The following ZNF420 variants were observed in gnomAD, a reference collection of about 807,000 sequenced individuals.
The protein encoded by ZNF420 is ATM and p53-associated KZNF protein.
Under a neutral mutation model 44.7 loss-of-function variants are expected in ZNF420, and 31 were observed. The observed-to-expected ratio is 0.69, with a 90% CI of 0.52 to 0.94. The LOEUF is 0.94. Among genes scored for constraint, ZNF420 ranks in the 40% least tolerant of loss-of-function variants. ZNF420 has a pLI of 0.00. For missense variants in ZNF420, 681 were observed against 827.9 expected, an observed-to-expected ratio of 0.82 and a Z score of 2.18; for synonymous variants, 245 against 267.4, an observed-to-expected ratio of 0.92 and a Z score of 0.82.
intron 4 of ZNF420, among the ~76,000 whole-genome samples, chr19:37,114,666 A>C (rs10419643): frequency 6.6e-6 from 1 of 151,880 alleles, no homozygotes; most frequent in Non-Finnish European, 1.5e-5. Flanking sequence ...GCTCTGCTAC[A>C]TATTTACAAT....
At chr19:37,036,489 C>T (rs1226251220) in intron 1 of ZNF420, among the ~76,000 whole-genome samples, 1 of 152,184 alleles carries the variant, frequency 6.6e-6, no homozygotes. Flanking sequence ...ACTGAGCCAG[C>T]AGGAAGGATC....
At chr19:37,102,699 CAA>C (rs1259117132) in intron 4 of ZNF420, among the ~76,000 whole-genome samples, 1 of 152,172 alleles carries the variant, frequency 6.6e-6, no homozygotes, top group Non-Finnish European at 1.5e-5. Flanking sequence ...AAAGCTTCTG[CAA>C]AGAGACTTTT....
intron 1 of ZNF420, among the ~76,000 whole-genome samples, chr19:37,071,965 G>A (rs886541939): frequency 2.6e-5 from 4 of 152,138 alleles, no homozygotes; most frequent in Non-Finnish European, 5.9e-5. Flanking sequence ...AAGACAGGGT[G>A]AAGGTTAAAT....
intron 4 of ZNF420, among the ~76,000 whole-genome samples, chr19:37,099,574 C>T (rs1224935903): frequency 6.6e-6 from 1 of 151,944 alleles, no homozygotes; most frequent in Non-Finnish European, 1.5e-5. Flanking sequence ...GGTATTAACA[C>T]CTTATTAGAT....
intron 4 of ZNF420, among the ~76,000 whole-genome samples, chr19:37,119,843 C>T (rs746488945): frequency 2.6e-5 from 4 of 152,170 alleles, no homozygotes; most frequent in Non-Finnish European, 4.4e-5. Context: ...ACTACAAACA[C>T]CTCTATGCAA....
chr19:37,085,173 G>C (rs1968683764), intron 2 of ZNF420, among the ~76,000 whole-genome samples: 1 of 152,080 alleles, frequency 6.6e-6, no homozygotes, highest in African/African-American at 2.4e-5. Flanking sequence ...TTGTCACTCA[G>C]TTCGGCATAT....
intron 3 of ZNF420, among the ~76,000 whole-genome samples, chr19:37,090,033 T>A (rs1411862338): frequency 6.6e-6 from 1 of 152,212 alleles, no homozygotes; most frequent in Non-Finnish European, 1.5e-5. Flanking sequence ...CAGAAAAATT[T>A]TACCATTTTG....
intron 1 of ZNF420, among the ~76,000 whole-genome samples, chr19:37,016,058 C>G (rs556511845): frequency 1.0e-3 from 155 of 152,306 alleles, no homozygotes; most frequent in African/African-American, 3.4e-3. Context: ...TTCCTAATGA[C>G]TGGGTAGCTG....
chr19:37,014,453 C>T (rs1489347080), intron 1 of ZNF420, among the ~76,000 whole-genome samples: 1 of 152,156 alleles, frequency 6.6e-6, no homozygotes, highest in Non-Finnish European at 1.5e-5. Flanking sequence ...AGAGCAGTCC[C>T]GAGTGCCCAC....
intron 1 of ZNF420, among the ~76,000 whole-genome samples, chr19:37,015,100 G>C (rs1268517291): frequency 6.6e-6 from 1 of 152,242 alleles, no homozygotes; most frequent in East Asian, 1.9e-4. Flanking sequence ...GAGCTGCCTG[G>C]CTGTGTGTTT....
rs536352482 is a variant in ZNF420 at position 37,026,571 on chromosome 19, G to A, written c.-125+18489G>A. ...CGACTTCAGGTGATCTGCCCACCTCGGCCTCCCAAAGTGCTGGGATTACAG... is the reference window on the plus strand; with the variant it reads ...CGACTTCAGGTGATCTGCCCACCTCAGCCTCCCAAAGTGCTGGGATTACAG... On this transcript the variant is annotated intron_variant, in intron 1 of 4. Transcript: ENST00000587029. Among the ~76,000 whole-genome samples, 18 of 151,962 alleles carry A rather than the reference G, an allele frequency of 1.2e-4. No homozygotes were observed. In the South Asian group the frequency reaches 2.5e-3, roughly 21 times the overall value.
intron 1 of ZNF420, among the ~76,000 whole-genome samples, chr19:37,050,004 TTGTCAAAG>T (rs1967610396): frequency 6.6e-6 from 1 of 152,184 alleles, no homozygotes; most frequent in Non-Finnish European, 1.5e-5. Context: ...TTTGTCAGGT[TTGTCAAAG>T]ATCAGATGGT....
intron 1 of ZNF420, among the ~76,000 whole-genome samples, chr19:37,057,103 T>C (rs1222889195): frequency 6.6e-6 from 1 of 152,176 alleles, no homozygotes; most frequent in Non-Finnish European, 1.5e-5. Flanking sequence ...TCCATGGCAG[T>C]GCTTGGGTGT....
At chr19:37,058,351 T>C (rs555709127) in intron 1 of ZNF420, among the ~76,000 whole-genome samples, 1 of 152,234 alleles carries the variant, frequency 6.6e-6, no homozygotes, top group African/African-American at 2.4e-5. Flanking sequence ...TGGCTGGCCT[T>C]GGCGTCTAGG....
intron 1 of ZNF420, among the ~76,000 whole-genome samples, chr19:37,017,764 G>GA (rs2146378108): frequency 6.6e-6 from 1 of 152,294 alleles, no homozygotes; most frequent in African/African-American, 2.4e-5. Context: ...AACAAAGGAA[G>GA]AAGGCCTGCT....
intron 1 of ZNF420, among the ~76,000 whole-genome samples, chr19:37,027,410 A>G (rs1967178160): frequency 6.6e-6 from 1 of 152,200 alleles, no homozygotes; most frequent in Non-Finnish European, 1.5e-5. Context: ...TGTATGCTTG[A>G]TGAGCCAATA....
chr19:37,091,688 G>C (rs904749359), intron 4 of ZNF420: 1 of 152,182 alleles, frequency 6.6e-6, no homozygotes, highest in Non-Finnish European at 1.5e-5. Context: ...CACGTTGGGA[G>C]GCCAAGGTGG....
intron 4 of ZNF420, among the ~76,000 whole-genome samples, chr19:37,094,606 A>C (rs1405496708): frequency 3.9e-5 from 6 of 152,038 alleles, no homozygotes; most frequent in Non-Finnish European, 7.4e-5. Flanking sequence ...CTCTATCTCC[A>C]CCCCTAGGAT....
At position 37,129,011 on chromosome 19, in the gene ZNF420, A is replaced by T; in HGVS notation, c.2020A>T (p.Lys674Ter). The part of the protein sequence containing the change: ...IHISEKSFEY[K>*]ECGIDFSHGS... Reference sequence around the variant, plus strand: ...TATCAGTGAGAAATCTTTTGAATATAAGGAATGTGGGATTGACTTTAGTCA... The same window carrying T: ...TATCAGTGAGAAATCTTTTGAATATTAGGAATGTGGGATTGACTTTAGTCA... The change falls in exon 5 of 5, where the codon AAG becomes TAG. Residue 674 changes from lysine to a stop codon, truncating the protein, a stop_gained. Transcript: ENST00000337995. LOFTEE classifies it high-confidence loss of function. 6.2e-7 allele frequency: 1 copy of T among 1,613,848 alleles called. No individual in the cohort carries two copies. Among genetic ancestry groups the T allele is most frequent in the South Asian group, 1.1e-5 (1 of 91,072 alleles).
Sources: allele counts gnomAD v4.1 joint callset (sites outside exome capture counted in the v4.1 genomes callset), GRCh38; gene constraint gnomAD v4.1.1; transcripts MANE v1.5; gene names NCBI Gene and HGNC (gene_info 2026-07-23, HGNC 2026-07-21).